PRKAR1A: variants seen among roughly 807,000 people sequenced by gnomAD.
PRKAR1A encodes protein kinase cAMP-dependent type I regulatory subunit alpha, also known as cAMP-dependent protein kinase type I-alpha regulatory subunit.
A neutral mutation model predicts 52.0 loss-of-function variants in PRKAR1A; 3 were observed. The observed-to-expected ratio is 0.06, with a 90% CI of 0.03 to 0.15. The LOEUF is 0.15. PRKAR1A is among the 10% of genes least tolerant of loss of function. The pLI is 1.00. For missense variants in PRKAR1A, 240 were observed against 477.4 expected (o/e 0.50, Z 4.63); for synonymous variants, 188 against 168.4 (o/e 1.12, Z -0.90).
the PRKAR1A span, among the ~76,000 whole-genome samples, chr17:68,433,736 C>G: frequency 7.5e-6 from 1 of 133,202 alleles, no homozygotes; most frequent in Non-Finnish European, 1.5e-5. Context: ...AAATTAATGT[C>G]AGAAAGATTC....
the PRKAR1A span, among the ~76,000 whole-genome samples, chr17:68,482,200 G>A: frequency 6.6e-6 from 1 of 152,326 alleles, no homozygotes; most frequent in South Asian, 2.1e-4. Flanking sequence ...AAAGACAGAC[G>A]GATTTGACTG....
the PRKAR1A span, chr17:68,421,902 A>T: frequency 7.6e-6 from 12 of 1,572,850 alleles, 1 homozygote; most frequent in Admixed American, 1.7e-4. Flanking sequence ...GTCTGTGCCC[A>T]TGCAGAGTGA....
At chr17:68,421,752 A>C in the PRKAR1A span, 1 of 1,614,014 alleles carries the variant, frequency 6.2e-7, no homozygotes, top group South Asian at 1.1e-5. Context: ...GGATGTCCTG[A>C]TTTCTGAGGT....
the PRKAR1A span, among the ~76,000 whole-genome samples, chr17:68,435,396 G>C: frequency 6.6e-6 from 1 of 152,228 alleles, no homozygotes; most frequent in Admixed American, 6.5e-5. Context: ...TTCATGCAAA[G>C]TGTCTTGTAT....
chr17:68,508,326 T>C (rs1251619454), upstream of PRKAR1A, among the ~76,000 whole-genome samples: 1 of 152,244 alleles, frequency 6.6e-6, no homozygotes, highest in East Asian at 1.9e-4. Context: ...ATGTGGTACA[T>C]ATACACCATG....
At chr17:68,528,470 G>T (rs1353808478) in intron 8 of PRKAR1A, among the ~76,000 whole-genome samples, 2 of 152,192 alleles carry the variant, frequency 1.3e-5, no homozygotes, top group Non-Finnish European at 1.5e-5. Context: ...AGTAAACCAA[G>T]AATTTAAATA....
chr17:68,519,304 T>TC (rs1388168532), intron 2 of PRKAR1A, among the ~76,000 whole-genome samples: 1 of 152,184 alleles, frequency 6.6e-6, no homozygotes, highest in Non-Finnish European at 1.5e-5. Flanking sequence ...GACTCACAGT[T>TC]CCTCATGGCT....
intron 7 of PRKAR1A, 106 bp from the exon 8 acceptor site, chr17:68,527,734 T>C: frequency 1.0e-6 from 1 of 989,006 alleles, no homozygotes; most frequent in South Asian, 1.4e-5. Context: ...AGCTTTGACT[T>C]TCTGGTTTTA....
chr17:68,535,378 C>T (rs186220397), downstream of PRKAR1A: 5 of 454,094 alleles, frequency 1.1e-5, no homozygotes, highest in African/African-American at 8.0e-5. Flanking sequence ...ATTGGAAAAC[C>T]AGTCCTTCGT....
the PRKAR1A span, among the ~76,000 whole-genome samples, chr17:68,505,024 G>T: frequency 1.3e-5 from 2 of 152,180 alleles, no homozygotes; most frequent in Non-Finnish European, 2.9e-5. Context: ...TTGGACAGGC[G>T]TGGTGGCTCA....
the PRKAR1A span, among the ~76,000 whole-genome samples, chr17:68,471,249 A>C: frequency 6.6e-6 from 1 of 152,334 alleles, no homozygotes; most frequent in Non-Finnish European, 1.5e-5. Flanking sequence ...AAGCAGCTCT[A>C]TTGGTACTGA....
intron 4 of PRKAR1A, 22 bp downstream of exon 4, chr17:68,523,838 A>G (rs2143290064): frequency 6.2e-7 from 1 of 1,609,202 alleles, no homozygotes; most frequent in Non-Finnish European, 8.5e-7. Context: ...CTCTTTCTTA[A>G]CACTATTTTT....
chr17:68,427,131 C>T, the PRKAR1A span: 3,536 of 1,612,978 alleles, frequency 2.2e-3, 76 homozygotes, highest in African/African-American at 0.041. Context: ...CCGTGTCCAC[C>T]CACCTGGCAC....
the PRKAR1A span, among the ~76,000 whole-genome samples, chr17:68,487,993 G>A: frequency 1.3e-5 from 2 of 152,048 alleles, no homozygotes; most frequent in African/African-American, 4.8e-5. Context: ...GAGAGAGAGA[G>A]GGAATAAACA....
rs1349020667 is a variant in PRKAR1A, at chr17:68,515,376, T to A, written c.-6-18T>A. On this transcript the variant is annotated intron_variant, in intron 1 of 10. Coordinates refer to ENST00000589228, the MANE Select transcript of PRKAR1A (RefSeq NM_002734.5). ...GCTTTATAGTTTATACAAGCATGTG[T>A]GTGTTTTTTTCTCGCAGAGAACCAT... 1 of 1,612,400 alleles carries A rather than the reference T, an allele frequency of 6.2e-7. No homozygotes were observed. The highest frequency in any genetic ancestry group is 1.3e-5 in the African/African-American group (1 of 74,864).
chr17:68,538,803 T>A lies in PRKAR1A; in HGVS notation c.973+8802T>A, dbSNP rs2086171723. Among the ~76,000 whole-genome samples the A allele has an allele frequency of 1.3e-5, 2 of 152,218 alleles. 1 individual carries two copies. The highest frequency in any genetic ancestry group is 4.1e-4 in the South Asian group (2 of 4,836). ...GTTGGCAATTGAAAGGTTTAAAGGA[T>A]TAAATCCTAATTCATCCTATGTGGA... On this transcript the variant is annotated intron_variant, in intron 11 of 11. Coordinates refer to the PRKAR1A transcript ENST00000585981.
chr17:68,420,934 T>G, the PRKAR1A span: 16 of 160,862 alleles, frequency 9.9e-5, no homozygotes, highest in Non-Finnish European at 2.2e-4. Context: ...CTTCTCTCTC[T>G]TTTCTCTTTT....
At chr17:68,424,964 C>T in the PRKAR1A span, among the ~76,000 whole-genome samples, 2 of 152,200 alleles carry the variant, frequency 1.3e-5, no homozygotes, top group Admixed American at 6.5e-5. Context: ...CTCACAAGAG[C>T]GGTCTATATG....
chr17:68,524,146 T>C, intron 5 of PRKAR1A, 69 bp downstream of exon 5: 10 of 1,538,436 alleles, frequency 6.5e-6, no homozygotes, highest in Non-Finnish European at 9.0e-6. Flanking sequence ...TTTTTGGTTT[T>C]GTTTTATTGA....
Sources: allele counts gnomAD v4.1 joint callset (sites outside exome capture counted in the v4.1 genomes callset), GRCh38; gene constraint gnomAD v4.1.1; transcripts MANE v1.5; gene names NCBI Gene and HGNC (gene_info 2026-07-23, HGNC 2026-07-21).